ULK2: variants seen among roughly 807,000 people sequenced by gnomAD.
ULK2 encodes serine/threonine-protein kinase ULK2.
A neutral mutation model predicts 127.5 loss-of-function variants in ULK2; 76 were observed. The observed-to-expected ratio is 0.60, with a 90% CI of 0.50 to 0.72. The LOEUF (loss-of-function observed/expected upper bound fraction) is 0.72, where lower values mean the gene tolerates loss of function less well. Ranked by LOEUF, ULK2 falls within the 30% of genes least tolerant of loss-of-function variation. The pLI is 0.00. For synonymous variants in ULK2, 452 were observed against 461.9 expected (o/e 0.98, Z 0.28); for missense variants, 1,144 against 1,295.9 (o/e 0.88, Z 1.80).
intron 26 of ULK2, 100 bp from the exon 27 acceptor site, chr17:19,776,507 T>C: frequency 9.3e-7 from 1 of 1,077,308 alleles, no homozygotes; most frequent in Non-Finnish European, 1.3e-6. Context: ...CTGAATATGT[T>C]TTCTTCTTTC....
chr17:19,849,352 C>T lies in ULK2; in HGVS notation c.295+17G>A, dbSNP rs2041962920. On this transcript the variant is annotated intron_variant, in intron 5 of 26. Coordinates refer to ENST00000395544, the MANE Select transcript of ULK2 (RefSeq NM_014683.4). ...CAGCACTGTCTTTACTGAACACTGA[C>T]ACACATACACAGTTACCTTGCAAAT... 5 of 1,605,116 alleles carry T rather than the reference C, an allele frequency of 3.1e-6. No homozygotes were observed. In the East Asian group the frequency reaches 1.1e-4, roughly 36 times the overall value.
intron 26 of ULK2, among the ~76,000 whole-genome samples, chr17:19,776,863 T>C (rs547545400): frequency 1.9e-4 from 29 of 152,290 alleles, no homozygotes; most frequent in Non-Finnish European, 3.4e-4. Context: ...ACAGTTACAT[T>C]TAATAATAAA....
chr17:19,854,215 T>C (rs576592000), intron 3 of ULK2, among the ~76,000 whole-genome samples: 2 of 151,188 alleles, frequency 1.3e-5, no homozygotes, highest in African/African-American at 4.9e-5. Flanking sequence ...AAGACGAAGG[T>C]TGCAGTGAGC....
At position 19,827,741 on chromosome 17, in the gene ULK2, G is replaced by A. The variant is rs111845850; in HGVS notation, c.788-1555C>T. Among the ~76,000 whole-genome samples, 250 of 152,094 alleles carry A rather than the reference G, an allele frequency of 1.6e-3. 1 individual carries two copies. Among genetic ancestry groups the A allele is most frequent in the African/African-American group, 5.6e-3 (233 of 41,500 alleles). ...AGCCTGACCAACATGGAGAAACCCCGTCTCTACTAAAAATACAAAATTAAC... is the reference window on the plus strand; with the variant it reads ...AGCCTGACCAACATGGAGAAACCCCATCTCTACTAAAAATACAAAATTAAC... On this transcript the variant is annotated intron_variant, in intron 10 of 26. Transcript: ENST00000395544.
chr17:19,816,641 C>G, intron 13 of ULK2, 108 bp downstream of exon 13: 1 of 979,546 alleles, frequency 1.0e-6, no homozygotes. Flanking sequence ...ATAAAATGCT[C>G]ATTTGAAAAG....
intron 12 of ULK2, among the ~76,000 whole-genome samples, chr17:19,822,382 G>A (rs191697317): frequency 2.8e-4 from 42 of 150,702 alleles, no homozygotes; most frequent in African/African-American, 9.5e-4. Context: ...TTTTTTTTGA[G>A]ATAGAGTCTC....
chr17:19,863,343 T>C (rs1395050151), intron 3 of ULK2, among the ~76,000 whole-genome samples: 2 of 152,120 alleles, frequency 1.3e-5, no homozygotes, highest in Non-Finnish European at 2.9e-5. Flanking sequence ...AATTCAACCG[T>C]CCAGACTAAG....
In ULK2 at chr17:19,773,363, G is replaced by A. The variant is rs2086762898; in HGVS notation, c.*2986C>T. On this transcript the variant is annotated 3_prime_UTR_variant, in exon 27 of 27. Coordinates refer to ENST00000395544, the MANE Select transcript of ULK2 (RefSeq NM_014683.4). ...ACTGTGTCTAACTCAACTTATTACT[G>A]TGCAGACTGAGGCAATCCAGCCCTA... 6.6e-6 allele frequency: 1 copy of A among 152,126 alleles called. No individual in the cohort carries two copies. The highest frequency in any genetic ancestry group is 2.4e-5 in the African/African-American group (1 of 41,408). The allele number at this position is 152,126 out of a possible 1,614,324, so 9.4% of individuals were successfully genotyped here.
intron 10 of ULK2, among the ~76,000 whole-genome samples, chr17:19,827,814 G>A (rs2041332086): frequency 6.6e-6 from 1 of 152,098 alleles, no homozygotes; most frequent in Non-Finnish European, 1.5e-5. Flanking sequence ...GGAGGCTGAG[G>A]CAGGGGAATC....
chr17:19,779,841 G>T (rs770832049), intron 25 of ULK2, among the ~76,000 whole-genome samples: 2 of 152,058 alleles, frequency 1.3e-5, no homozygotes, highest in Non-Finnish European at 2.9e-5. Context: ...AGAAAATGCA[G>T]AAACAGATCC....
At chr17:19,856,604 G>A (rs1233008402) in intron 3 of ULK2, among the ~76,000 whole-genome samples, 1 of 150,712 alleles carries the variant, frequency 6.6e-6, no homozygotes, top group East Asian at 2.0e-4. Flanking sequence ...AAAAAAGTTT[G>A]AAATTCACGT....
Position 19,849,762 on chromosome 17 carries a change from A to G in ULK2, c.238T>C (p.Ser80Pro). Residue 80 changes from serine (S) to proline (P), a missense_variant, in exon 4 of 27, where the codon TCT (serine) becomes CCT (proline). This residue lies in a region of ULK2 where 231 missense variants were observed against 325.4 expected (regional missense o/e 0.71). Coordinates refer to ENST00000395544, the MANE Select transcript of ULK2 (RefSeq NM_014683.4). Reference sequence around the variant, plus strand: ...CCTACCTCCATCACCAAAAAGACAGAGTTGGGTAATTCCTGAAAAGTAAAC... The same window carrying G: ...CCTACCTCCATCACCAAAAAGACAGGGTTGGGTAATTCCTGAAAAGTAAAC... Reference protein sequence around the residue: ...ALYDVQELPNSVFLVMEYCNG... With the variant: ...ALYDVQELPNPVFLVMEYCNG... 6.5e-7 allele frequency: 1 copy of G among 1,547,150 alleles called. No individual in the cohort carries two copies. Among genetic ancestry groups the G allele is most frequent in the Admixed American group, 2.0e-5 (1 of 49,958 alleles).
chr17:19,793,074 G>C (rs1331608161), intron 20 of ULK2, among the ~76,000 whole-genome samples: 1 of 152,162 alleles, frequency 6.6e-6, no homozygotes, highest in Non-Finnish European at 1.5e-5. Flanking sequence ...TCACAGTTAA[G>C]AATGGCTGGG....
chr17:19,797,872 G>C (rs567403249), intron 17 of ULK2, among the ~76,000 whole-genome samples, 190 bp from the exon 18 acceptor site: 1 of 152,032 alleles, frequency 6.6e-6, no homozygotes, highest in Non-Finnish European at 1.5e-5. Flanking sequence ...TCCATTGTTC[G>C]TATTCTCAGG....
rs965619782 is a variant in ULK2, at chr17:19,843,109, A to C, written c.645+12T>G. 6.2e-7 allele frequency: 1 copy of C among 1,604,850 alleles called. No individual in the cohort carries two copies. The highest frequency in any genetic ancestry group is 8.5e-7 in the Non-Finnish European group (1 of 1,171,770). ...TCCCAAAACTGAGGACATAAGAAAA[A>C]AGTCAGCCTACCTGAAAAGGTGGTT... On this transcript the variant is annotated intron_variant, in intron 8 of 26. Coordinates refer to ENST00000395544, the MANE Select transcript of ULK2 (RefSeq NM_014683.4).
intron 10 of ULK2, among the ~76,000 whole-genome samples, chr17:19,837,451 T>C (rs1276625332): frequency 1.3e-5 from 2 of 151,986 alleles, no homozygotes; most frequent in Admixed American, 6.6e-5. Flanking sequence ...AATAAATAAA[T>C]CCAGGCTGAC....
At chr17:19,840,312 C>A in intron 9 of ULK2, 2 of 525,388 alleles carry the variant, frequency 3.8e-6, no homozygotes, top group South Asian at 1.4e-5. Flanking sequence ...CATCGAAGAT[C>A]CTGCCTTGAT....
intron 3 of ULK2, among the ~76,000 whole-genome samples, chr17:19,855,211 T>C (rs1341212083): frequency 2.6e-5 from 4 of 151,586 alleles, no homozygotes; most frequent in Non-Finnish European, 5.9e-5. Context: ...GAGACCATCC[T>C]GGCTAACACT....
intron 10 of ULK2, among the ~76,000 whole-genome samples, chr17:19,838,090 A>G (rs777342522): frequency 2.0e-5 from 3 of 152,070 alleles, no homozygotes; most frequent in Non-Finnish European, 4.4e-5. Flanking sequence ...AGATATCCAC[A>G]TGGCTCACTC....
Sources: allele counts gnomAD v4.1 joint callset (sites outside exome capture counted in the v4.1 genomes callset), GRCh38; gene constraint gnomAD v4.1.1; regional missense constraint gnomAD v4.1.1; transcripts MANE v1.5; gene names NCBI Gene and HGNC (gene_info 2026-07-23, HGNC 2026-07-21).